The following COPS3 variants were observed in gnomAD, a reference collection of about 807,000 sequenced individuals.
The protein encoded by COPS3 is COP9 signalosome subunit 3, also known as COP9 signalosome complex subunit 3.
COPS3 carries 10 observed loss-of-function variants against 58.2 expected under a neutral mutation model. That is an observed-to-expected ratio of 0.17 (90% CI 0.11 to 0.29). The LOEUF (loss-of-function observed/expected upper bound fraction) is 0.29. Among genes scored for constraint, COPS3 ranks in the 10% least tolerant of loss-of-function variants. The pLI, the probability that COPS3 is intolerant of heterozygous loss-of-function variation, is 1.00. For missense variants in COPS3, 333 were observed against 510.1 expected, an observed-to-expected ratio of 0.65 and a Z score of 3.34; for synonymous variants, 187 against 181.7, an observed-to-expected ratio of 1.03 and a Z score of -0.24.
At chr17:17,253,600 C>A (rs2047897778) in intron 9 of COPS3, among the ~76,000 whole-genome samples, 1 of 152,068 alleles carries the variant, frequency 6.6e-6, no homozygotes, top group East Asian at 1.9e-4. Context: ...TGCTTATGGA[C>A]CAAAACCCTC....
chr17:17,247,192 T>C, intron 11 of COPS3, 41 bp from the exon 12 acceptor site: 1 of 1,589,066 alleles, frequency 6.3e-7, no homozygotes, highest in Non-Finnish European at 8.6e-7. Flanking sequence ...TGTTTGCTTT[T>C]ATCAAGGGTT....
intron 8 of COPS3, among the ~76,000 whole-genome samples, chr17:17,256,560 A>G (rs2047979722): frequency 6.6e-6 from 1 of 152,120 alleles, no homozygotes; most frequent in African/African-American, 2.4e-5. Flanking sequence ...ATTTACAACA[A>G]TGGCATTTTC....
intron 1 of COPS3, chr17:17,280,694 G>T (rs1022250947): frequency 7.8e-7 from 1 of 1,277,700 alleles, no homozygotes; most frequent in Non-Finnish European, 1.0e-6. Flanking sequence ...ACCCAGAACG[G>T]ACTCGCCTCC....
At chr17:17,280,804 A>G in intron 1 of COPS3, 1 of 1,263,322 alleles carries the variant, frequency 7.9e-7, no homozygotes, top group Non-Finnish European at 1.0e-6. Context: ...GAAGGAACCA[A>G]TAGTCGCCCG....
chr17:17,272,543 G>C (rs547652229), intron 2 of COPS3, among the ~76,000 whole-genome samples: 3 of 152,190 alleles, frequency 2.0e-5, no homozygotes, highest in African/African-American at 7.2e-5. Context: ...TAATCCACAG[G>C]AATGTCCACA....
At chr17:17,275,895 A>C (rs9892352) in intron 2 of COPS3, 140 bp downstream of exon 2, 3 of 694,696 alleles carry the variant, frequency 4.3e-6, no homozygotes, top group East Asian at 3.3e-5. Flanking sequence ...TGTGCCAAGA[A>C]TGTGCCACTG....
intron 2 of COPS3, among the ~76,000 whole-genome samples, chr17:17,275,272 G>C (rs2145257971): frequency 6.6e-6 from 1 of 152,038 alleles, no homozygotes; most frequent in South Asian, 2.1e-4. Flanking sequence ...TTTATTAGTA[G>C]AGACAGGGTT....
intron 1 of COPS3, 98 bp downstream of exon 1, chr17:17,281,034 G>T: frequency 7.4e-7 from 1 of 1,357,788 alleles, no homozygotes; most frequent in Non-Finnish European, 1.0e-6. Flanking sequence ...AGAGTCTCAG[G>T]ACTAAAAGGG....
At chr17:17,253,316 G>C (rs558631519) in intron 9 of COPS3, among the ~76,000 whole-genome samples, 1 of 152,168 alleles carries the variant, frequency 6.6e-6, no homozygotes, top group African/African-American at 2.4e-5. Flanking sequence ...TAAGGACACA[G>C]GTTTTCAGTG....
At chr17:17,248,789 A>C (rs2047777725) in intron 10 of COPS3, 137 bp downstream of exon 10, 2 of 590,496 alleles carry the variant, frequency 3.4e-6, no homozygotes, top group Non-Finnish European at 5.9e-6. Context: ...TTTGAAACTA[A>C]CTTTCTAGTA....
At chr17:17,255,066 C>A (rs1164134915) in intron 8 of COPS3, 121 bp from the exon 9 acceptor site, 1 of 632,434 alleles carries the variant, frequency 1.6e-6, no homozygotes, top group Non-Finnish European at 2.8e-6. Context: ...CTTTGGGAGG[C>A]TGAGGTGGGC....
intron 5 of COPS3, among the ~76,000 whole-genome samples, chr17:17,265,207 T>TAA (rs1203562050): frequency 1.3e-5 from 2 of 152,202 alleles, no homozygotes; most frequent in African/African-American, 2.4e-5. Flanking sequence ...ACATACCAGT[T>TAA]AAGCATCCCT....
chr17:17,280,587 C>A, intron 1 of COPS3: 1 of 1,295,898 alleles, frequency 7.7e-7, no homozygotes, highest in Admixed American at 2.3e-5. Context: ...CGAGAGCTTC[C>A]GCAGCATTCT....
Position 17,262,314 on chromosome 17 carries a change from G to A in COPS3, c.622-208C>T, listed in dbSNP as rs190868762. The stretch of plus-strand genomic sequence containing the variant: ...CTCGCTCTGTCATCTAGGCTGGAGC[G>A]CAGTGATGTAATTATGGCTCACTGT... On this transcript the variant is annotated intron_variant, in intron 6 of 11. Coordinates refer to ENST00000268717, the MANE Select transcript of COPS3 (RefSeq NM_003653.4). Among the ~76,000 whole-genome samples, 252 of 152,158 alleles carry A rather than the reference G, an allele frequency of 1.7e-3. 1 individual carries two copies. Among genetic ancestry groups the A allele is most frequent in the Non-Finnish European group, 2.8e-3 (191 of 68,010 alleles).
intron 9 of COPS3, among the ~76,000 whole-genome samples, chr17:17,253,223 CTCAATCAA>C (rs960422314): frequency 6.6e-6 from 1 of 152,150 alleles, no homozygotes; most frequent in African/African-American, 2.4e-5. Context: ...AAGACCTTGT[CTCAATCAA>C]TCAATCAATC....
chr17:17,254,216 G>A (rs1335890316), intron 9 of COPS3, among the ~76,000 whole-genome samples: 1 of 150,904 alleles, frequency 6.6e-6, no homozygotes, highest in Non-Finnish European at 1.5e-5. Context: ...GCTGAGGTGG[G>A]TGGATTACTT....
At chr17:17,267,797 G>A in intron 5 of COPS3, 88 bp downstream of exon 5, 1 of 1,331,200 alleles carries the variant, frequency 7.5e-7, no homozygotes. Context: ...TCGCCAACTT[G>A]CCTGTGTTTA....
chr17:17,272,105 T>C (rs566856206), intron 2 of COPS3, among the ~76,000 whole-genome samples: 2 of 151,806 alleles, frequency 1.3e-5, no homozygotes, highest in African/African-American at 4.8e-5. Context: ...CTAGCCAATA[T>C]GGTGAAAACC....
In COPS3 at chr17:17,275,937, A is replaced by C. The variant is rs1420911031; in HGVS notation, c.185+98T>G. 4 of 1,202,452 alleles carry C rather than the reference A, an allele frequency of 3.3e-6. No homozygotes were observed. In the Admixed American group the frequency reaches 9.9e-5, roughly 30 times the overall value. The allele number at this position is 1,202,452 out of a possible 1,614,324, so 74.5% of individuals were successfully genotyped here. A position where few individuals can be genotyped will look rare whatever the true frequency, so the allele number is the denominator to read the frequency against. On this transcript the variant is annotated intron_variant, in intron 2 of 11. Coordinates refer to ENST00000268717, the MANE Select transcript of COPS3 (RefSeq NM_003653.4). ...AGCCTGGGTGACAGAGCGAAACTCC[A>C]TCTCAAAAAATATAAATAAATAAAT...
Sources: allele counts gnomAD v4.1 joint callset (sites outside exome capture counted in the v4.1 genomes callset), GRCh38; gene constraint gnomAD v4.1.1; transcripts MANE v1.5; gene names NCBI Gene and HGNC (gene_info 2026-07-23, HGNC 2026-07-21).